The following CFAP184 variants were observed in gnomAD, a reference collection of about 807,000 sequenced individuals.
CFAP184 encodes the protein cilia and flagella associated protein 184, also known as cilia- and flagella-associated protein 184.
the CFAP184 span, chr4:7,041,430 G>A: frequency 6.2e-7 from 1 of 1,614,084 alleles, no homozygotes; most frequent in Non-Finnish European, 8.5e-7. Flanking sequence ...GTGAGTCCTT[G>A]CCTAGAAGGC....
At chr4:7,042,237 G>A in the CFAP184 span, 2 of 1,599,218 alleles carry the variant, frequency 1.3e-6, no homozygotes. Flanking sequence ...CCACCAGCAG[G>A]GAACGGTACT....
At chr4:7,042,755 C>T in the CFAP184 span, 1 of 1,529,558 alleles carries the variant, frequency 6.5e-7, no homozygotes, top group Non-Finnish European at 8.8e-7. Flanking sequence ...TCGTCCGCGG[C>T]GGTGCCTCCC....
chr4:7,040,877 A>G, the CFAP184 span: 1 of 164,728 alleles, frequency 6.1e-6, no homozygotes, highest in Non-Finnish European at 1.3e-5. Context: ...TTTAATAATT[A>G]GCTTAATGCA....
chr4:7,041,981 G>T, the CFAP184 span: 1 of 1,612,448 alleles, frequency 6.2e-7, no homozygotes. Flanking sequence ...ACCCTGGTGA[G>T]CTTCTCCTGG....
At chr4:7,042,593 C>CGGCTCCG in the CFAP184 span, 2 of 1,534,548 alleles carry the variant, frequency 1.3e-6, no homozygotes, top group South Asian at 1.2e-5. Flanking sequence ...TCCTCGGGCC[C>CGGCTCCG]GGCTCCGGGC....
At chr4:7,042,975 G>A in the CFAP184 span, 2 of 1,399,702 alleles carry the variant, frequency 1.4e-6, no homozygotes, top group Non-Finnish European at 1.9e-6. Flanking sequence ...GACCCCGGCA[G>A]GACGCTGTTA....
the CFAP184 span, chr4:7,042,189 C>T: frequency 6.2e-7 from 1 of 1,600,468 alleles, no homozygotes; most frequent in Non-Finnish European, 8.5e-7. Flanking sequence ...AGATCTTGTG[C>T]TGCAGGTATA....
chr4:7,042,526 A>C, the CFAP184 span: 1 of 1,599,910 alleles, frequency 6.3e-7, no homozygotes, highest in Middle Eastern at 1.7e-4. Context: ...CTGGAACCTG[A>C]CTTCCTTCCC....
At chr4:7,041,543 C>T in the CFAP184 span, 5 of 1,614,268 alleles carry the variant, frequency 3.1e-6, no homozygotes, top group Non-Finnish European at 4.2e-6. Flanking sequence ...GCCTCGATTT[C>T]TGCCAGCTGT....
the CFAP184 span, chr4:7,042,946 C>T: frequency 7.1e-7 from 1 of 1,418,340 alleles, no homozygotes; most frequent in Non-Finnish European, 9.2e-7. Flanking sequence ...CATCTCCTCC[C>T]GGCTCGGCCA....
chr4:7,042,699 G>A, the CFAP184 span: 1 of 1,509,470 alleles, frequency 6.6e-7, no homozygotes, highest in Non-Finnish European at 8.8e-7. Flanking sequence ...GCCCCTCCTC[G>A]CCCGCAGCCT....
the CFAP184 span, chr4:7,041,292 G>C: frequency 6.2e-7 from 1 of 1,601,482 alleles, no homozygotes; most frequent in Non-Finnish European, 8.5e-7. Flanking sequence ...GAAAGGCTTT[G>C]GCCTCCCTGA....
the CFAP184 span, chr4:7,042,669 C>T: frequency 6.7e-7 from 1 of 1,503,410 alleles, no homozygotes; most frequent in Non-Finnish European, 8.8e-7. Flanking sequence ...GGGGCTCGGC[C>T]GGCCTCCCCG....
the CFAP184 span, chr4:7,042,622 T>G: frequency 6.6e-7 from 1 of 1,507,704 alleles, no homozygotes; most frequent in East Asian, 2.4e-5. Flanking sequence ...GGCGGGCTCC[T>G]CAGCCCCAAC....
chr4:7,042,742 T>C, the CFAP184 span: 11 of 1,524,866 alleles, frequency 7.2e-6, no homozygotes, highest in South Asian at 1.2e-5. Context: ...GGCCTCGGCC[T>C]GCTCGTCCGC....
chr4:7,041,708 G>C, the CFAP184 span: 1 of 1,614,178 alleles, frequency 6.2e-7, no homozygotes, highest in Non-Finnish European at 8.5e-7. Flanking sequence ...TCAATCTTCA[G>C]CTGTTCAAAG....
chr4:7,041,473 C>T, the CFAP184 span: 3 of 1,614,204 alleles, frequency 1.9e-6, no homozygotes, highest in South Asian at 2.2e-5. Context: ...GTTGTCCGTC[C>T]GCAGCCCCTC....
the CFAP184 span, chr4:7,041,486 G>T: frequency 7.4e-6 from 12 of 1,614,178 alleles, no homozygotes; most frequent in South Asian, 1.1e-5. Context: ...AGCCCCTCTC[G>T]GGCTTGCTTC....
chr4:7,042,854 T>C, the CFAP184 span: 2 of 1,577,798 alleles, frequency 1.3e-6, no homozygotes, highest in African/African-American at 2.8e-5. Flanking sequence ...GAGCTGGCCT[T>C]GATCTTGGAC....
Sources: gnomAD v4.1 joint callset for allele counts on GRCh38, gnomAD v4.1.1 for gene constraint, MANE v1.5 for transcripts, NCBI Gene and HGNC (gene_info 2026-07-23, HGNC 2026-07-21) for gene names.